TMEM26: variants seen among roughly 807,000 people sequenced by gnomAD.
TMEM26 encodes the protein transmembrane protein 26.
A neutral mutation model predicts 28.8 loss-of-function variants in TMEM26; 38 were observed. The ratio of observed to expected loss-of-function variants is 1.32; its 90% CI spans 1.02 to 1.73. TMEM26 has a LOEUF of 1.73. Among genes scored for constraint, TMEM26 ranks in the 40% most tolerant of loss-of-function variants. TMEM26 has a pLI of 0.00. For missense variants in TMEM26, 518 were observed against 447.1 expected (o/e 1.16, Z -1.43); for synonymous variants, 227 against 182.9 (o/e 1.24, Z -1.95).
intron 1 of TMEM26, among the ~76,000 whole-genome samples, chr10:61,444,245 A>G (rs1840141539): frequency 6.6e-6 from 1 of 152,184 alleles, no homozygotes; most frequent in Non-Finnish European, 1.5e-5. Flanking sequence ...TCTATTTTTT[A>G]TAAAACCACC....
intron 3 of TMEM26, among the ~76,000 whole-genome samples, chr10:61,429,475 A>G (rs568340555): frequency 1.3e-5 from 2 of 152,192 alleles, no homozygotes; most frequent in Admixed American, 6.6e-5. Flanking sequence ...AATGAAAAAT[A>G]ACACATAGCA....
At chr10:61,419,053 G>A (rs1171427166) in intron 4 of TMEM26, among the ~76,000 whole-genome samples, 1 of 151,966 alleles carries the variant, frequency 6.6e-6, no homozygotes, top group Non-Finnish European at 1.5e-5. Flanking sequence ...CTAAGACATC[G>A]AACTAAAAAT....
chr10:61,419,178 G>A (rs952421123), intron 4 of TMEM26, among the ~76,000 whole-genome samples: 1 of 152,124 alleles, frequency 6.6e-6, no homozygotes, highest in Non-Finnish European at 1.5e-5. Context: ...GGTGGTGGCA[G>A]TGGTGGGGGA....
chr10:61,453,134 C>A lies in TMEM26; in HGVS notation c.-53G>T. On this transcript the variant is annotated 5_prime_UTR_variant, in exon 1 of 6. Coordinates refer to ENST00000399298, the MANE Select transcript of TMEM26 (RefSeq NM_178505.8). ...CCTTGCCTGCGCCCCCAGGACCCTG[C>A]CGGGCGTGCCCGGAGCCCACCGGTG... 6.4e-7 allele frequency: 1 copy of A among 1,564,050 alleles called. No homozygotes were observed. The highest frequency in any genetic ancestry group is 1.1e-5 in the South Asian group (1 of 88,138).
At chr10:61,412,833 G>T in intron 5 of TMEM26, 1 of 671,302 alleles carries the variant, frequency 1.5e-6, no homozygotes. Context: ...GTTGAACAAT[G>T]CAGCCCTAGA....
intron 4 of TMEM26, among the ~76,000 whole-genome samples, chr10:61,421,542 C>A (rs553100912): frequency 6.6e-6 from 1 of 152,134 alleles, no homozygotes; most frequent in Non-Finnish European, 1.5e-5. Context: ...AATCCAATGA[C>A]TATTGTCCTT....
Position 61,410,553 on chromosome 10 carries a change from CT to C in TMEM26, c.875del (p.Lys292ArgfsTer24). On this transcript the variant is annotated frameshift_variant, in exon 6 of 6. Coordinates refer to ENST00000399298, the MANE Select transcript of TMEM26 (RefSeq NM_178505.8). LOFTEE classifies it low-confidence loss of function (END_TRUNC). ...INQMLVFFAA[K>X]NFLVVVLQLY... is the part of the protein sequence containing the mutation. Reference sequence around the variant, plus strand: ...GTTGCAACACCACCACGAGGAAGTTCTTCGCGGCAAAGAACACCAGCATCTG... The same window carrying C: ...GTTGCAACACCACCACGAGGAAGTTCTCGCGGCAAAGAACACCAGCATCTG... 6.2e-7 allele frequency: 1 copy of C among 1,614,126 alleles called. No homozygotes were observed.
chr10:61,413,573 G>A (rs1384464175), intron 4 of TMEM26, 38 bp from the exon 5 acceptor site: 2 of 1,568,608 alleles, frequency 1.3e-6, no homozygotes, highest in African/African-American at 1.4e-5. Flanking sequence ...GTAATAAAAA[G>A]TATGATCACA....
chr10:61,445,151 A>G (rs1358328679), intron 1 of TMEM26, among the ~76,000 whole-genome samples: 1 of 152,214 alleles, frequency 6.6e-6, no homozygotes, highest in Non-Finnish European at 1.5e-5. Context: ...CATTGTCAGT[A>G]CTCAATAATT....
intron 1 of TMEM26, among the ~76,000 whole-genome samples, chr10:61,451,065 C>A (rs1840270416): frequency 1.3e-5 from 2 of 152,098 alleles, no homozygotes; most frequent in African/African-American, 4.8e-5. Flanking sequence ...AGTAGGAAAA[C>A]CCAGATTTTA....
chr10:61,408,903 T>C lies in TMEM26; in HGVS notation c.*1419A>G, dbSNP rs72825279. 8 of 152,314 alleles carry C rather than the reference T, an allele frequency of 5.3e-5. No individual in the cohort carries two copies. Among genetic ancestry groups the C allele is most frequent in the Non-Finnish European group, 7.4e-5 (5 of 68,026 alleles). 9.4% of individuals were successfully genotyped at this position (152,314 alleles called of 1,614,324 possible). ...AAAAGTTTGTATAAAATGTTTCGAA[T>C]AGGTATCATGTCACCCAGAGAGTTA... On this transcript the variant is annotated 3_prime_UTR_variant, in exon 6 of 6. Transcript: ENST00000399298.
intron 2 of TMEM26, among the ~76,000 whole-genome samples, chr10:61,433,477 A>C (rs537353033): frequency 2.6e-5 from 4 of 152,296 alleles, no homozygotes; most frequent in Middle Eastern, 3.4e-3. Context: ...CTTTGGGTCC[A>C]ACAAGACTGT....
chr10:61,420,953 A>C (rs1056049181), intron 4 of TMEM26, among the ~76,000 whole-genome samples: 1 of 152,056 alleles, frequency 6.6e-6, no homozygotes, highest in Non-Finnish European at 1.5e-5. Flanking sequence ...ATTATATAGA[A>C]CAACAATTAT....
chr10:61,416,221 A>C, intron 4 of TMEM26: 1 of 392,518 alleles, frequency 2.5e-6, no homozygotes, highest in South Asian at 1.9e-5. Context: ...CTAATCCCAA[A>C]CTTCAATAAT....
chr10:61,450,822 G>A (rs911956525), intron 1 of TMEM26, among the ~76,000 whole-genome samples: 1 of 152,052 alleles, frequency 6.6e-6, no homozygotes, highest in African/African-American at 2.4e-5. Flanking sequence ...AGTCACTCAA[G>A]TAAATTTGTC....
intron 4 of TMEM26, among the ~76,000 whole-genome samples, chr10:61,419,838 C>T (rs1433871507): frequency 6.6e-6 from 1 of 151,616 alleles, no homozygotes; most frequent in Non-Finnish European, 1.5e-5. Context: ...CAACAAAGCC[C>T]TAGAATAAGT....
chr10:61,417,452 T>C (rs540931488), intron 4 of TMEM26, among the ~76,000 whole-genome samples: 1 of 148,008 alleles, frequency 6.8e-6, no homozygotes, highest in South Asian at 2.2e-4. Context: ...AATCAGTGGA[T>C]AGAATTCATC....
chr10:61,438,076 T>C (rs1433996704), intron 1 of TMEM26, among the ~76,000 whole-genome samples: 1 of 152,134 alleles, frequency 6.6e-6, no homozygotes, highest in Non-Finnish European at 1.5e-5. Context: ...TTCACTAATA[T>C]ATTTTTTCAA....
rs906193144 is a variant in TMEM26 at position 61,409,048 on chromosome 10, A to G, written c.*1274T>C. 9.9e-5 allele frequency: 15 copies of G among 152,190 alleles called. No individual in the cohort carries two copies. Among genetic ancestry groups the G allele is most frequent in the African/African-American group, 3.6e-4 (15 of 41,454 alleles). 9.4% of individuals were successfully genotyped at this position (152,190 alleles called of 1,614,324 possible). On this transcript the variant is annotated 3_prime_UTR_variant, in exon 6 of 6. Coordinates refer to ENST00000399298, the MANE Select transcript of TMEM26 (RefSeq NM_178505.8). Reference sequence around the variant, plus strand: ...TCTGGGGGAATTAGGTTTTGAACCTAAAAGAACAGTTTTGGAACTGTTTGC... The same window carrying G: ...TCTGGGGGAATTAGGTTTTGAACCTGAAAGAACAGTTTTGGAACTGTTTGC...
Sources: gnomAD v4.1 joint callset for allele counts (sites outside exome capture counted in the v4.1 genomes callset) on GRCh38, gnomAD v4.1.1 for gene constraint, MANE v1.5 for transcripts, NCBI Gene and HGNC (gene_info 2026-07-23, HGNC 2026-07-21) for gene names.